PRTG: variants seen among roughly 807,000 people sequenced by gnomAD.
The protein encoded by PRTG is immunoglobulin superfamily, DCC subclass, member 5.
In PRTG, 67 loss-of-function variants were observed where a neutral mutation model predicts 122.5. The ratio of observed to expected loss-of-function variants is 0.55; its 90% confidence interval spans 0.45 to 0.67. The LOEUF is 0.67. Among genes scored for constraint, PRTG ranks in the 30% least tolerant of loss-of-function variants. The pLI is 0.00. For synonymous variants in PRTG, 554 were observed against 501.1 expected, an observed-to-expected ratio of 1.11 and a Z score of -1.41; for missense variants, 1,435 against 1,415.4, an observed-to-expected ratio of 1.01 and a Z score of -0.22.
rs1018146443 is a variant in PRTG, at chr15:55,616,706, A to G, written c.*3306T>C. The G allele has an allele frequency of 2.0e-5, 3 of 152,180 alleles. No individual in the cohort carries two copies. The highest frequency in any genetic ancestry group is 2.9e-5 in the Non-Finnish European group (2 of 68,002). 9.4% of individuals were successfully genotyped at this position (152,180 alleles called of 1,614,324 possible). ...CCTATATGCGGAGGTAACCTTAAATATCTTTGGTTTTTTTCTTTTTAATTT... is the reference window on the plus strand; with the variant it reads ...CCTATATGCGGAGGTAACCTTAAATGTCTTTGGTTTTTTTCTTTTTAATTT... On this transcript the variant is annotated 3_prime_UTR_variant, in exon 20 of 20. Transcript: ENST00000389286.
chr15:55,687,391 G>C (rs2059576330), intron 2 of PRTG, among the ~76,000 whole-genome samples: 1 of 152,104 alleles, frequency 6.6e-6, no homozygotes. Context: ...TGATTATTGA[G>C]AATAAAAATG....
At chr15:55,695,112 A>G (rs1242612059) in intron 2 of PRTG, among the ~76,000 whole-genome samples, 4 of 152,176 alleles carry the variant, frequency 2.6e-5, no homozygotes, top group Admixed American at 2.0e-4. Flanking sequence ...ATTTGCTTCT[A>G]TGATTTATAG....
intron 2 of PRTG, among the ~76,000 whole-genome samples, chr15:55,701,864 T>C (rs1428921360): frequency 1.3e-5 from 2 of 152,186 alleles, no homozygotes; most frequent in Non-Finnish European, 2.9e-5. Flanking sequence ...TTACATAATA[T>C]ATAATTCTAC....
rs764671558 is a variant in PRTG, at chr15:55,616,883, TTTAC to T, written c.*3125_*3128del. 21 of 152,168 alleles carry T rather than the reference TTTAC, an allele frequency of 1.4e-4. 1 individual carries two copies. The highest frequency in any genetic ancestry group is 9.2e-4 in the Admixed American group (14 of 15,256). 9.4% of individuals were successfully genotyped at this position (152,168 alleles called of 1,614,324 possible). On this transcript the variant is annotated 3_prime_UTR_variant, in exon 20 of 20. Coordinates refer to ENST00000389286, the MANE Select transcript of PRTG (RefSeq NM_173814.6). ...TAAATTTATTTCAAATCTGCTCATC[TTTAC>T]TTACTTACAGGCTAACCTATACATC...
intron 11 of PRTG, among the ~76,000 whole-genome samples, chr15:55,664,823 G>A (rs2059429443): frequency 6.6e-6 from 1 of 151,828 alleles, no homozygotes; most frequent in Non-Finnish European, 1.5e-5. Flanking sequence ...CTTGATTCAG[G>A]CAATTCTCCT....
chr15:55,672,533 G>T lies in PRTG; in HGVS notation c.1953C>A (p.Tyr651Ter). 6.2e-7 allele frequency: 1 copy of T among 1,614,024 alleles called. No individual in the cohort carries two copies. The highest frequency in any genetic ancestry group is 8.5e-7 in the Non-Finnish European group (1 of 1,179,938). ...DVEDTAAIQGYKLYYKEEGQQ... is the reference protein window; with the variant it reads ...DVEDTAAIQG ...GCCCTTCTTCCTTGTAGTACAGCTTGTAGCCCTGAATAGCAGCTGTGTCCT... is the reference window on the plus strand; with the variant it reads ...GCCCTTCTTCCTTGTAGTACAGCTTTTAGCCCTGAATAGCAGCTGTGTCCT... The change falls in exon 11 of 20, where the codon TAC becomes TAA. Residue 651 changes from tyrosine (Y) to a stop codon, truncating the protein, a stop_gained. Transcript: ENST00000389286. LOFTEE classifies it high-confidence loss of function.
intron 2 of PRTG, among the ~76,000 whole-genome samples, chr15:55,738,910 AG>A (rs2084581485): frequency 1.0e-5 from 1 of 95,654 alleles, no homozygotes; most frequent in African/African-American, 4.2e-5. Context: ...GGGGAAGGGA[AG>A]GGGGAGGGAG....
At chr15:55,641,505 T>C (rs1487834269) in intron 11 of PRTG, among the ~76,000 whole-genome samples, 2 of 152,218 alleles carry the variant, frequency 1.3e-5, no homozygotes, top group Non-Finnish European at 2.9e-5. Flanking sequence ...AAGTGGCAGA[T>C]AGATTCTTGA....
At position 55,613,321 on chromosome 15, in the gene PRTG, T is replaced by C. The variant is rs2059128756; in HGVS notation, c.*6691A>G. ...TTCAGACCTAACAAGAAAGGATTAC[T>C]GTTTACACACCTGACTTTTTCAAGT... On this transcript the variant is annotated 3_prime_UTR_variant, in exon 20 of 20. Coordinates refer to ENST00000389286, the MANE Select transcript of PRTG (RefSeq NM_173814.6). 1 of 152,172 alleles carries C rather than the reference T, an allele frequency of 6.6e-6. No homozygotes were observed. Among genetic ancestry groups the C allele is most frequent in the Admixed American group, 6.5e-5 (1 of 15,268 alleles). 9.4% of individuals were successfully genotyped at this position (152,172 alleles called of 1,614,324 possible).
chr15:55,617,580 G>C lies in PRTG; in HGVS notation c.*2432C>G, dbSNP rs1320656168. On this transcript the variant is annotated 3_prime_UTR_variant, in exon 20 of 20. Transcript: ENST00000389286. ...TTGGTAACAGAATTATTATGAAAAA[G>C]TCCGTATAAGAACAAAATGAAAAGG... is the stretch of plus-strand genomic sequence containing the variant. 6.6e-6 allele frequency: 1 copy of C among 151,976 alleles called. No individual in the cohort carries two copies. The highest frequency in any genetic ancestry group is 2.4e-5 in the African/African-American group (1 of 41,394). 9.4% of individuals were successfully genotyped at this position (151,976 alleles called of 1,614,324 possible). A position where few individuals can be genotyped will look rare whatever the true frequency, so the allele number is the denominator to read the frequency against.
At chr15:55,689,684 T>C (rs1332480470) in intron 2 of PRTG, among the ~76,000 whole-genome samples, 1 of 151,442 alleles carries the variant, frequency 6.6e-6, no homozygotes, top group Non-Finnish European at 1.5e-5. Flanking sequence ...TCCCAGCACT[T>C]TGGGAGGCCA....
chr15:55,626,903 A>G, intron 17 of PRTG, 105 bp downstream of exon 17: 1 of 972,068 alleles, frequency 1.0e-6, no homozygotes, highest in African/African-American at 1.7e-5. Context: ...ATTTTAAAGT[A>G]GGAAATCCCA....
At position 55,679,295 on chromosome 15, in the gene PRTG, A is replaced by T; in HGVS notation, c.1124T>A (p.Met375Lys). 6.2e-7 allele frequency: 1 copy of T among 1,611,334 alleles called. No homozygotes were observed. The highest frequency in any genetic ancestry group is 1.1e-5 in the South Asian group (1 of 90,922). Residue 375 changes from methionine (M) to lysine (K), a missense_variant, in exon 7 of 20, where the codon ATG becomes AAG. By Grantham distance (95) the Met-to-Lys change is moderately conservative. Coordinates refer to ENST00000389286, the MANE Select transcript of PRTG (RefSeq NM_173814.6). Reference sequence around the variant, plus strand: ...AAGTTACACAGCCTACCTGTTGTACATTTTAATTCTACCATTCGAATGTAT... The same window carrying T: ...AAGTTACACAGCCTACCTGTTGTACTTTTTAATTCTACCATTCGAATGTAT... ...RKIHSNGRIK[M>K]YNSKLVINQI...
At chr15:55,737,994 CTCTCTCTCTA>C (rs1258758507) in intron 2 of PRTG, among the ~76,000 whole-genome samples, 2 of 64,528 alleles carry the variant, frequency 3.1e-5, no homozygotes, top group East Asian at 5.1e-4. Context: ...CTCTCTCTCT[CTCTCTCTCTA>C]TATATATATA....
intron 2 of PRTG, among the ~76,000 whole-genome samples, chr15:55,708,167 A>AAAAAC (rs2030219710): frequency 7.5e-6 from 1 of 133,056 alleles, no homozygotes; most frequent in Admixed American, 7.8e-5. Flanking sequence ...AAAAAAAAAA[A>AAAAAC]AAAAAAAAAA....
intron 2 of PRTG, chr15:55,738,350 T>C (rs1367724317): frequency 2.9e-5 from 17 of 596,358 alleles, no homozygotes; most frequent in Non-Finnish European, 1.2e-5. Context: ...TTTATGAAGT[T>C]AGAAAGCTCT....
intron 11 of PRTG, among the ~76,000 whole-genome samples, chr15:55,645,847 G>A (rs2059319409): frequency 6.6e-6 from 1 of 152,020 alleles, no homozygotes; most frequent in South Asian, 2.1e-4. Context: ...TGTGGTTTTT[G>A]GGGGAAAACA....
intron 2 of PRTG, among the ~76,000 whole-genome samples, chr15:55,704,842 T>C (rs186896973): frequency 2.4e-4 from 36 of 152,338 alleles, no homozygotes; most frequent in African/African-American, 8.4e-4. Context: ...AGGATATATA[T>C]AGACAGACAG....
rs767434131 is a variant in PRTG at position 55,700,110 on chromosome 15, G to GTA, written c.398-16181_398-16180dup. 1.4e-4 allele frequency among the ~76,000 whole-genome samples: 21 copies of GTA among 152,256 alleles called. No homozygotes were observed. The South Asian group carries it at 4.1e-3, about 30-fold the overall frequency. ...GCAAAAGGTTAGACATATACTCTCT[G>GTA]TATATGTCTGTATATGTACAGAAGA... On this transcript the variant is annotated intron_variant, in intron 2 of 19. Coordinates refer to ENST00000389286, the MANE Select transcript of PRTG (RefSeq NM_173814.6).
Sources: gnomAD v4.1 joint callset for allele counts (sites outside exome capture counted in the v4.1 genomes callset) on GRCh38, gnomAD v4.1.1 for gene constraint, MANE v1.5 for transcripts, NCBI Gene and HGNC (gene_info 2026-07-23, HGNC 2026-07-21) for gene names.